PDIA2: variants seen among roughly 807,000 people sequenced by gnomAD.
The protein encoded by PDIA2 is protein disulfide-isomerase A2.
A neutral mutation model predicts 51.1 loss-of-function variants in PDIA2; 76 were observed. The ratio of observed to expected loss-of-function variants is 1.49; its 90% CI spans 1.24 to 1.80. The LOEUF (loss-of-function observed/expected upper bound fraction) is 1.80, where lower values mean the gene tolerates loss of function less well. Among genes scored for constraint, PDIA2 ranks in the 40% most tolerant of loss-of-function variants. The pLI, the probability that PDIA2 is intolerant of heterozygous loss-of-function variation, is 0.00. For missense variants in PDIA2, 946 were observed against 706.5 expected, an observed-to-expected ratio of 1.34 and a Z score of -3.84; for synonymous variants, 429 against 309.9, an observed-to-expected ratio of 1.38 and a Z score of -4.04.
intron 7 of PDIA2, among the ~76,000 whole-genome samples, 188 bp downstream of exon 7, chr16:285,891 A>ACCCGCGGTTCTCCCAAC (rs2052354069): frequency 7.6e-5 from 5 of 65,914 alleles, no homozygotes; most frequent in Admixed American, 4.1e-4. Context: ...CCAACCCCAA[A>ACCCGCGGTTCTCCCAAC]CCCGCGGTTC....
In PDIA2 at chr16:284,443, G is replaced by T; in HGVS notation, c.256G>T (p.Ala86Ser). Reference sequence around the variant, plus strand: ...GGCCCCCGAGTACAGCAAGGCAGCTGCCGTGCTCGCGGCCGAGTCAATGGT... The same window carrying T: ...GGCCCCCGAGTACAGCAAGGCAGCTTCCGTGCTCGCGGCCGAGTCAATGGT... The part of the protein sequence containing the change: ...ALAPEYSKAA[A>S]VLAAESMVVT... Residue 86 changes from alanine (A) to serine (S), a missense_variant, in exon 2 of 11, where the codon GCC becomes TCC. Coordinates refer to ENST00000219406, the MANE Select transcript of PDIA2 (RefSeq NM_006849.4). 6.3e-7 allele frequency: 1 copy of T among 1,594,306 alleles called. No individual in the cohort carries two copies. Among genetic ancestry groups the T allele is most frequent in the East Asian group, 2.3e-5 (1 of 44,166 alleles).
In PDIA2 at chr16:286,476, G is replaced by T; in HGVS notation, c.1240+3G>T. ...CAAGAATGTGTTTGTCAAGTTCTGT[G>T]AGTGTTGAGGGAGGCAGGGGTGGTG... On this transcript the variant is annotated splice_donor_region_variant and intron_variant, in intron 8 of 10. Transcript: ENST00000219406. 6.2e-7 allele frequency: 1 copy of T among 1,613,274 alleles called. No homozygotes were observed. The highest frequency in any genetic ancestry group is 8.5e-7 in the Non-Finnish European group (1 of 1,179,910).
intron 1 of PDIA2, among the ~76,000 whole-genome samples, chr16:283,719 G>A (rs573620537): frequency 1.3e-5 from 2 of 152,250 alleles, no homozygotes; most frequent in Admixed American, 6.5e-5. Flanking sequence ...GGCTTTGGGG[G>A]CCCATGGAGG....
chr16:284,558 G>C lies in PDIA2; in HGVS notation c.371G>C (p.Arg124Pro). 6.2e-7 allele frequency: 1 copy of C among 1,612,680 alleles called. No homozygotes were observed. Among genetic ancestry groups the C allele is most frequent in the Non-Finnish European group, 8.5e-7 (1 of 1,179,734 alleles). The change falls in exon 2 of 11, where the codon CGC (arginine) becomes CCC (proline). Residue 124 changes from arginine to proline, a missense_variant. Arg to Pro is a moderately radical substitution (Grantham distance 103, BLOSUM62 -2). Transcript: ENST00000219406. ...VTEYPTLKFF[R>P]NGNRTHPEEY... is the part of the protein sequence containing the mutation. ...GAGTACCCTACGCTCAAGTTCTTCC[G>C]CAATGGGAACCGCACGCACCCGGAG... is the stretch of plus-strand genomic sequence containing the variant.
chr16:285,724 A>C, intron 7 of PDIA2, 21 bp downstream of exon 7: 1 of 1,608,232 alleles, frequency 6.2e-7, no homozygotes, highest in South Asian at 1.1e-5. Flanking sequence ...GACTGCTCAT[A>C]ATGGAAGGGG....
Position 286,363 on chromosome 16 carries a change from T to G in PDIA2, c.1130T>G (p.Leu377Arg), listed in dbSNP as rs2052379290. ...VLNGQVKPYLLSQEIPPDWDQ... is the reference protein window; with the variant it reads ...VLNGQVKPYLRSQEIPPDWDQ... The stretch of plus-strand genomic sequence containing the variant: ...CCTGGTTTCCCCCAGCCCTATCTCC[T>G]GAGCCAGGAGATACCCCCTGATTGG... Residue 377 changes from leucine (L) to arginine (R), a missense_variant, in exon 8 of 11, where the codon CTG becomes CGG. Physicochemically the swap from Leu to Arg is moderately radical, Grantham distance 102. Coordinates refer to ENST00000219406, the MANE Select transcript of PDIA2 (RefSeq NM_006849.4). 3 of 1,507,482 alleles carry G rather than the reference T, an allele frequency of 2.0e-6. No homozygotes were observed. Among genetic ancestry groups the G allele is most frequent in the Admixed American group, 3.6e-5 (2 of 55,264 alleles). 93.4% of individuals were successfully genotyped at this position (1,507,482 alleles called of 1,614,324 possible).
chr16:285,311 G>C lies in PDIA2; in HGVS notation c.796-1G>C, dbSNP rs201195047. On this transcript the variant is annotated splice_acceptor_variant, in intron 5 of 10. Coordinates refer to ENST00000219406, the MANE Select transcript of PDIA2 (RefSeq NM_006849.4). LOFTEE classifies it high-confidence loss of function. ...AGTCATGAGCACCCTCCCTACTGTA[G>C]ACGTCTGCCAAGATCTTCGCGGCCA... The C allele has an allele frequency of 3.1e-6, 5 of 1,612,888 alleles. No homozygotes were observed. The highest frequency in any genetic ancestry group is 4.2e-6 in the Non-Finnish European group (5 of 1,179,880).
chr16:284,359 C>A, intron 1 of PDIA2, 28 bp from the exon 2 acceptor site: 1 of 1,531,080 alleles, frequency 6.5e-7, no homozygotes, highest in Non-Finnish European at 8.8e-7. Context: ...TTGTGGTGGC[C>A]TGGGGCACTC....
chr16:284,238 C>A, intron 1 of PDIA2, 149 bp from the exon 2 acceptor site: 2 of 773,026 alleles, frequency 2.6e-6, no homozygotes, highest in Non-Finnish European at 4.2e-6. Flanking sequence ...GCCTGGGGGG[C>A]CACGAAGAGG....
intron 7 of PDIA2, among the ~76,000 whole-genome samples, chr16:286,025 CAACCCCGCGGTTCTCCCAACCCCAACCT>C (rs1302573319): frequency 3.1e-5 from 4 of 130,146 alleles, no homozygotes; most frequent in African/African-American, 6.1e-5. Flanking sequence ...CGCGGTTCTC[CAACCCCGCGGTTCTCCCAACCCCAACCT>C]CAACCCCAAC....
chr16:283,958 A>G (rs1416005708), intron 1 of PDIA2, among the ~76,000 whole-genome samples: 2 of 152,250 alleles, frequency 1.3e-5, no homozygotes, highest in South Asian at 2.1e-4. Context: ...TCCGCCTCCC[A>G]GGTTCAAGCA....
chr16:283,928 T>G (rs555022715), intron 1 of PDIA2, among the ~76,000 whole-genome samples: 19 of 152,264 alleles, frequency 1.2e-4, no homozygotes, highest in Admixed American at 6.5e-5. Context: ...GCAGTGGCCC[T>G]ATCTCGGCTC....
chr16:286,285 G>A, intron 7 of PDIA2, 68 bp from the exon 8 acceptor site: 1 of 728,978 alleles, frequency 1.4e-6, no homozygotes, highest in Non-Finnish European at 1.9e-6. Context: ...CACCCCCCAG[G>A]CCCTGCACAG....
chr16:284,404 C>T lies in PDIA2; in HGVS notation c.217C>T (p.His73Tyr), dbSNP rs1250795993. 6.4e-7 allele frequency: 1 copy of T among 1,566,068 alleles called. No individual in the cohort carries two copies. The highest frequency in any genetic ancestry group is 1.3e-5 in the African/African-American group (1 of 74,208). Residue 73 changes from histidine to tyrosine, a missense_variant, in exon 2 of 11, where the codon CAC becomes TAC. His to Tyr is a moderately conservative substitution (Grantham distance 83). Coordinates refer to ENST00000219406, the MANE Select transcript of PDIA2 (RefSeq NM_006849.4). ...LVEFYAPWCG[H>Y]CQALAPEYSK... ...TCCCCCAGATGCCCCGTGGTGTGGG[C>T]ACTGCCAGGCCCTGGCCCCCGAGTA...
Position 285,448 on chromosome 16 carries a change from G to C in PDIA2, c.921+11G>C. On this transcript the variant is annotated intron_variant, in intron 6 of 10. Transcript: ENST00000219406. Reference sequence around the variant, plus strand: ...CGCTTCCGGGGGCAGGTACTGGGGGGCTGGGGGAAAGGGGCAGCGGGAGAG... The same window carrying C: ...CGCTTCCGGGGGCAGGTACTGGGGGCCTGGGGGAAAGGGGCAGCGGGAGAG... 1 of 1,611,054 alleles carries C rather than the reference G, an allele frequency of 6.2e-7. No individual in the cohort carries two copies. The highest frequency in any genetic ancestry group is 8.5e-7 in the Non-Finnish European group (1 of 1,179,498).
chr16:287,011 G>GC, intron 10 of PDIA2, 58 bp from the exon 11 acceptor site: 1 of 1,612,288 alleles, frequency 6.2e-7, no homozygotes, highest in Non-Finnish European at 8.5e-7. Flanking sequence ...GCTGGCAGGG[G>GC]CGGGGGCAGG....
intron 7 of PDIA2, 51 bp downstream of exon 7, chr16:285,754 C>G (rs2141449719): frequency 6.4e-7 from 1 of 1,571,022 alleles, no homozygotes. Context: ...CTCATCCCAC[C>G]AGCTTGGCAG....
chr16:286,538 A>G lies in PDIA2; in HGVS notation c.1241-16A>G, dbSNP rs915109664. ...GGGGCTGCCCAGATGGCTGTGCTCA[A>G]CGGCTCCCATCCTAGATGCCCCGTG... On this transcript the variant is annotated splice_polypyrimidine_tract_variant and intron_variant, in intron 8 of 10. Transcript: ENST00000219406. 1 of 1,612,384 alleles carries G rather than the reference A, an allele frequency of 6.2e-7. No homozygotes were observed. The highest frequency in any genetic ancestry group is 1.3e-5 in the African/African-American group (1 of 74,776).
chr16:284,269 A>T, intron 1 of PDIA2, 118 bp from the exon 2 acceptor site: 1 of 1,061,944 alleles, frequency 9.4e-7, no homozygotes, highest in Non-Finnish European at 1.4e-6. Context: ...CGGCTTGTCC[A>T]CGGCCAGGGC....
Sources: allele counts gnomAD v4.1 joint callset (sites outside exome capture counted in the v4.1 genomes callset), GRCh38; gene constraint gnomAD v4.1.1; transcripts MANE v1.5; gene names NCBI Gene and HGNC (gene_info 2026-07-23, HGNC 2026-07-21).